CIROZ: variants seen among roughly 807,000 people sequenced by gnomAD.
The protein encoded by CIROZ is ciliated left-right organizer protein containing ZP-N domains.
the CIROZ span, chr1:10,976,399 G>A: frequency 4.9e-6 from 3 of 611,342 alleles, no homozygotes; most frequent in Non-Finnish European, 8.5e-6. Context: ...GCAGTGGCGC[G>A]ATCTAAGCTC....
chr1:10,955,460 G>A, the CIROZ span, among the ~76,000 whole-genome samples: 1 of 152,170 alleles, frequency 6.6e-6, no homozygotes, highest in Admixed American at 6.5e-5. Flanking sequence ...TGCCAGGAGG[G>A]AAGCTGCAGA....
At chr1:10,959,143 A>C in the CIROZ span, among the ~76,000 whole-genome samples, 1 of 151,110 alleles carries the variant, frequency 6.6e-6, no homozygotes, top group African/African-American at 2.4e-5. This position sits in a 1 kb window ranked among gnomAD's most constrained non-coding sequence, Gnocchi z 4.3. Context: ...TTTTCTTTCC[A>C]CTTTGGATCC....
chr1:10,970,382 C>T, the CIROZ span, among the ~76,000 whole-genome samples: 1 of 152,170 alleles, frequency 6.6e-6, no homozygotes, highest in African/African-American at 2.4e-5. Flanking sequence ...AATCCCAACA[C>T]TTTGGGAGAC....
the CIROZ span, among the ~76,000 whole-genome samples, chr1:10,950,262 C>T: frequency 4.6e-5 from 7 of 151,884 alleles, no homozygotes; most frequent in South Asian, 2.1e-4. Context: ...CTCGAACTCC[C>T]GACCTCAAAT....
chr1:10,950,411 A>G, the CIROZ span, among the ~76,000 whole-genome samples: 2 of 152,264 alleles, frequency 1.3e-5, no homozygotes, highest in African/African-American at 2.4e-5. Flanking sequence ...CCCAGCTTCA[A>G]TGCCACCAGA....
the CIROZ span, among the ~76,000 whole-genome samples, chr1:10,968,459 G>A: frequency 2.0e-5 from 3 of 152,202 alleles, no homozygotes; most frequent in Admixed American, 2.0e-4. Context: ...AAAGCACGCA[G>A]CTTCCACCGC....
the CIROZ span, among the ~76,000 whole-genome samples, chr1:10,964,943 A>C: frequency 1.6e-4 from 24 of 152,278 alleles, no homozygotes; most frequent in African/African-American, 5.5e-4. Flanking sequence ...GGCTGGGTTT[A>C]TGAGACATAA....
chr1:10,969,004 G>A, the CIROZ span, among the ~76,000 whole-genome samples: 1 of 152,178 alleles, frequency 6.6e-6, no homozygotes, highest in Non-Finnish European at 1.5e-5. Flanking sequence ...TCCTGGAAAA[G>A]TGGCCTTTTA....
chr1:10,968,084 G>A, the CIROZ span, among the ~76,000 whole-genome samples: 7 of 151,924 alleles, frequency 4.6e-5, no homozygotes, highest in Admixed American at 6.6e-5. Context: ...GCTTAAACCC[G>A]TGGGGCAGAG....
At chr1:10,969,655 T>C in the CIROZ span, among the ~76,000 whole-genome samples, 1 of 152,236 alleles carries the variant, frequency 6.6e-6, no homozygotes, top group Non-Finnish European at 1.5e-5. Flanking sequence ...GTTCTGAAGA[T>C]GCAGCTGTAA....
At chr1:10,958,704 G>A in the CIROZ span, 1 of 1,614,102 alleles carries the variant, frequency 6.2e-7, no homozygotes, top group South Asian at 1.1e-5. Flanking sequence ...CTTCAATGGG[G>A]CCCGCTTACC....
chr1:10,949,274 C>T, the CIROZ span: 4 of 300,562 alleles, frequency 1.3e-5, no homozygotes, highest in South Asian at 5.8e-5. Context: ...TCTGGGTCTC[C>T]AGTCCTCTGG....
the CIROZ span, chr1:10,976,344 T>C: frequency 2.1e-6 from 2 of 940,446 alleles, no homozygotes; most frequent in East Asian, 2.7e-5. Context: ...TTTCTTTTTT[T>C]TTTTTTTCTG....
chr1:10,961,654 C>T, the CIROZ span, among the ~76,000 whole-genome samples: 2 of 152,188 alleles, frequency 1.3e-5, no homozygotes, highest in Non-Finnish European at 2.9e-5. Flanking sequence ...TCAATAAATG[C>T]TTGTTGGGGC....
chr1:10,951,730 T>A, the CIROZ span, among the ~76,000 whole-genome samples: 10,600 of 125,142 alleles, frequency 0.085, 776 homozygotes, highest in East Asian at 0.21. Context: ...GTCTCTTATT[T>A]AAAAAAAAAA....
chr1:10,948,643 G>A, the CIROZ span: 324 of 1,613,716 alleles, frequency 2.0e-4, no homozygotes, highest in Non-Finnish European at 2.5e-4. Flanking sequence ...AAGACTGGAC[G>A]TGGCCGCCAG....
chr1:10,970,123 G>A, the CIROZ span: 10 of 1,478,084 alleles, frequency 6.8e-6, no homozygotes, highest in Non-Finnish European at 9.0e-6. Context: ...GAGGGAGGTG[G>A]GGAAGGGAGG....
At chr1:10,955,085 A>T in the CIROZ span, 1 of 1,614,120 alleles carries the variant, frequency 6.2e-7, no homozygotes, top group Non-Finnish European at 8.5e-7. Context: ...ACTCGGAGGA[A>T]TCTGAGGCTC....
At chr1:10,954,135 T>C in the CIROZ span, 2 of 1,612,360 alleles carry the variant, frequency 1.2e-6, no homozygotes, top group Admixed American at 3.3e-5. Context: ...TCCGACTTCT[T>C]GGCATCGCTG....
Sources: allele counts gnomAD v4.1 joint callset (sites outside exome capture counted in the v4.1 genomes callset), GRCh38; gene constraint gnomAD v4.1.1; non-coding constraint Gnocchi (gnomAD v3.1); transcripts MANE v1.5; gene names NCBI Gene and HGNC (gene_info 2026-07-23, HGNC 2026-07-21).